The following PCDHGA6 variants were observed in gnomAD, a reference collection of about 807,000 sequenced individuals.
PCDHGA6 encodes protocadherin gamma-A6.
A neutral mutation model predicts 60.6 loss-of-function variants in PCDHGA6; 41 were observed. The observed-to-expected ratio is 0.68, with a 90% CI of 0.53 to 0.88. The LOEUF is 0.88. PCDHGA6 is among the 40% of genes least tolerant of loss of function. PCDHGA6 has a pLI of 0.00. For missense variants in PCDHGA6, 1,312 were observed against 1,203.0 expected, an observed-to-expected ratio of 1.09 and a Z score of -1.34; for synonymous variants, 594 against 524.4, an observed-to-expected ratio of 1.13 and a Z score of -1.81.
At position 141,431,982 on chromosome 5, in the gene PCDHGA6, T is replaced by G. The variant is rs2097433926; in HGVS notation, c.2424+55475T>G. The G allele has an allele frequency of 6.2e-7, 1 of 1,614,212 alleles. No homozygotes were observed. Among genetic ancestry groups the G allele is most frequent in the African/African-American group, 1.3e-5 (1 of 75,056 alleles). ...AATTACTATAGTTTAGTCACAGACA[T>G]AGTCTTGGATAGGGAACAGGTTCCT... On this transcript the variant is annotated intron_variant, in intron 1 of 3. Transcript: ENST00000517434. The surrounding 1 kb of genome is among the most constrained non-coding windows in gnomAD (Gnocchi z 4.8).
intron 1 of PCDHGA6, chr5:141,377,130 G>A (rs1432999287): frequency 6.6e-6 from 1 of 152,218 alleles, no homozygotes; most frequent in Non-Finnish European, 1.5e-5. Flanking sequence ...TTAATTTTGT[G>A]GGGGAAAATA....
chr5:141,456,140 G>A (rs1032104368), intron 1 of PCDHGA6, among the ~76,000 whole-genome samples: 38 of 152,022 alleles, frequency 2.5e-4, no homozygotes, highest in African/African-American at 8.7e-4. Flanking sequence ...CTCCTGATCC[G>A]CCCGCCTCGG....
At chr5:141,418,908 C>A in intron 1 of PCDHGA6, 1 of 1,613,932 alleles carries the variant, frequency 6.2e-7, no homozygotes, top group South Asian at 1.1e-5. Flanking sequence ...ATAATCATCA[C>A]GTCACTCTCT....
intron 1 of PCDHGA6, among the ~76,000 whole-genome samples, chr5:141,455,095 A>G (rs910300076): frequency 2.6e-5 from 4 of 151,836 alleles, no homozygotes; most frequent in African/African-American, 9.7e-5. Flanking sequence ...TACAGGCTTG[A>G]GCCACTGCGC....
rs765818637 is a variant in PCDHGA6 at position 141,409,918 on chromosome 5, C to T, written c.2424+33411C>T. ...ACCCAGCTCTGGGTCCTGACGGCTC[C>T]GCGTTCTTCGATATGGTACCTCGCT... On this transcript the variant is annotated intron_variant, in intron 1 of 3. Coordinates refer to ENST00000517434, the MANE Select transcript of PCDHGA6 (RefSeq NM_018919.3). 1.9e-6 allele frequency: 3 copies of T among 1,613,222 alleles called. No individual in the cohort carries two copies. In the African/African-American group the frequency reaches 4.0e-5, roughly 22 times the overall value.
Position 141,410,070 on chromosome 5 carries a change from C to A in PCDHGA6, c.2424+33563C>A, listed in dbSNP as rs1368179504. On this transcript the variant is annotated intron_variant, in intron 1 of 3. Transcript: ENST00000517434. ...GGACTCTTCAGCCTGGGGCTGCGCA[C>A]TGGGGAGGTGCGCACGGCTCGAGCC... 6.2e-7 allele frequency: 1 copy of A among 1,612,806 alleles called. No homozygotes were observed. The highest frequency in any genetic ancestry group is 1.3e-5 in the African/African-American group (1 of 74,938).
chr5:141,384,286 G>C lies in PCDHGA6; in HGVS notation c.2424+7779G>C, dbSNP rs760333073. ...CTCATCCTACTCAGTCTACATCGCT[G>C]AGAACAACCCCAGAGGGGCCTCCAT... On this transcript the variant is annotated intron_variant, in intron 1 of 3. Coordinates refer to ENST00000517434, the MANE Select transcript of PCDHGA6 (RefSeq NM_018919.3). 3 of 1,613,716 alleles carry C rather than the reference G, an allele frequency of 1.9e-6. No homozygotes were observed. In the East Asian group the frequency reaches 6.7e-5, roughly 36 times the overall value.
In PCDHGA6 at chr5:141,415,516, G is replaced by T. The variant is rs199990575; in HGVS notation, c.2424+39009G>T. The T allele has an allele frequency of 1.9e-6, 3 of 1,614,220 alleles. No individual in the cohort carries two copies. In the African/African-American group the frequency reaches 4.0e-5, roughly 22 times the overall value. ...GATCTTCCCCCAGCCCAATTATGCG[G>T]ACACGCTCATCAGCCAGGAGAGCTG... On this transcript the variant is annotated intron_variant, in intron 1 of 3. Coordinates refer to ENST00000517434, the MANE Select transcript of PCDHGA6 (RefSeq NM_018919.3).
chr5:141,410,140 G>GCGTGA, intron 1 of PCDHGA6: 1 of 1,612,782 alleles, frequency 6.2e-7, no homozygotes, highest in Non-Finnish European at 8.5e-7. Flanking sequence ...TGGTCGCTGT[G>GCGTGA]CGTGACGGTG....
chr5:141,390,104 C>T, intron 1 of PCDHGA6: 1 of 1,614,070 alleles, frequency 6.2e-7, no homozygotes, highest in East Asian at 2.2e-5. Context: ...TTCCCCCCAA[C>T]TACAGCGAGG....
intron 1 of PCDHGA6, chr5:141,423,126 G>T (rs1397550571): frequency 6.2e-7 from 1 of 1,613,622 alleles, no homozygotes; most frequent in Non-Finnish European, 8.5e-7. Context: ...CGCGGGCACT[G>T]CTGGACAGAG....
At position 141,375,955 on chromosome 5, in the gene PCDHGA6, C is replaced by T; in HGVS notation, c.1872C>T (p.Gly624=). ...PGLFSVGLHT[G]EVRTARALLD... The stretch of plus-strand genomic sequence containing the variant: ...TTTTCTCAGTGGGCCTGCACACGGG[C>T]GAGGTGCGCACGGCGCGCGCCCTGC... The change falls in exon 1 of 4, where the codon GGC becomes GGT. Residue 624 remains glycine (G), a synonymous_variant. Transcript: ENST00000517434. The T allele has an allele frequency of 6.2e-7, 1 of 1,613,498 alleles. No individual in the cohort carries two copies. Among genetic ancestry groups the T allele is most frequent in the Non-Finnish European group, 8.5e-7 (1 of 1,179,928 alleles).
intron 1 of PCDHGA6, chr5:141,478,523 G>T (rs2099461821): frequency 6.2e-7 from 1 of 1,609,908 alleles, no homozygotes; most frequent in Non-Finnish European, 8.5e-7. Context: ...GGTGTTGGGT[G>T]CAGAGAGCGC....
rs34152666 is a variant in PCDHGA6 at position 141,428,860 on chromosome 5, C to CT, written c.2424+52366dup. 6.7e-4 allele frequency: 98 copies of CT among 145,544 alleles called. 1 individual carries two copies. The highest frequency in any genetic ancestry group is 1.4e-3 in the East Asian group (7 of 4,990). 9.0% of individuals were successfully genotyped at this position (145,544 alleles called of 1,614,324 possible). On this transcript the variant is annotated intron_variant, in intron 1 of 3. Transcript: ENST00000517434. ...ACATTTTCACCATTTTTACGGGAGA[C>CT]TTTTTTTTTTTTTGGACGGAGTCTC...
chr5:141,375,941 G>T lies in PCDHGA6; in HGVS notation c.1858G>T (p.Gly620Cys). The change falls in exon 1 of 4, where the codon GGC (glycine) becomes TGC (cysteine). Residue 620 changes from glycine (G) to cysteine (C), a missense_variant. By Grantham distance (159) the Gly-to-Cys change is radical. Coordinates refer to ENST00000517434, the MANE Select transcript of PCDHGA6 (RefSeq NM_018919.3). Reference protein sequence around the residue: ...KASEPGLFSVGLHTGEVRTAR... With the variant: ...KASEPGLFSVCLHTGEVRTAR... ...CAGCGAGCCAGGACTTTTCTCAGTG[G>T]GCCTGCACACGGGCGAGGTGCGCAC... 1 of 1,613,580 alleles carries T rather than the reference G, an allele frequency of 6.2e-7. No individual in the cohort carries two copies. Among genetic ancestry groups the T allele is most frequent in the South Asian group, 1.1e-5 (1 of 91,060 alleles).
chr5:141,389,293 C>T, intron 1 of PCDHGA6: 3 of 1,614,036 alleles, frequency 1.9e-6, no homozygotes, highest in Non-Finnish European at 2.5e-6. Context: ...GCCTCTATTT[C>T]ACAAGTCAGG....
intron 1 of PCDHGA6, among the ~76,000 whole-genome samples, chr5:141,456,691 G>A (rs564429451): frequency 3.3e-5 from 5 of 152,234 alleles, no homozygotes; most frequent in South Asian, 4.1e-4. Flanking sequence ...CTGGCCAGGC[G>A]TGGTGGCTCG....
intron 1 of PCDHGA6, among the ~76,000 whole-genome samples, chr5:141,387,512 T>G (rs1371060044): frequency 1.3e-5 from 2 of 152,256 alleles, no homozygotes; most frequent in South Asian, 4.1e-4. Flanking sequence ...TTAGACGTCA[T>G]TAAATATACA....
At chr5:141,454,796 ATTTTTTTTTTTTTTTT>A (rs61612330) in intron 1 of PCDHGA6, among the ~76,000 whole-genome samples, 1 of 77,408 alleles carries the variant, frequency 1.3e-5, no homozygotes, top group East Asian at 4.0e-4. Flanking sequence ...CATGGTTCTA[ATTTTTTTTTTTTTTTT>A]TTTTTTTTTT....
Sources: allele counts gnomAD v4.1 joint callset (sites outside exome capture counted in the v4.1 genomes callset), GRCh38; gene constraint gnomAD v4.1.1; non-coding constraint Gnocchi (gnomAD v3.1); transcripts MANE v1.5; gene names NCBI Gene and HGNC (gene_info 2026-07-23, HGNC 2026-07-21).